The following RANBP2 variants were observed in gnomAD, a reference collection of about 807,000 sequenced individuals.
The protein encoded by RANBP2 is RAN binding protein 2.
RANBP2 carries 57 observed loss-of-function variants against 303.6 expected under a neutral mutation model. The ratio of observed to expected loss-of-function variants is 0.19; its 90% CI spans 0.15 to 0.23. RANBP2 has a LOEUF of 0.23. RANBP2 is among the 10% of genes least tolerant of loss of function. RANBP2 has a pLI of 1.00. For missense variants in RANBP2, 3,138 were observed against 3,780.8 expected (o/e 0.83, Z 4.46); for synonymous variants, 1,167 against 1,301.5 (o/e 0.90, Z 2.23).
chr2:109,631,023 G>A, the RANBP2 span, among the ~76,000 whole-genome samples: 2 of 152,274 alleles, frequency 1.3e-5, no homozygotes, highest in African/African-American at 2.4e-5. Flanking sequence ...CCGAGGTCAC[G>A]GCACTGCACT....
At chr2:108,741,714 G>A (rs1166501027) in intron 7 of RANBP2, among the ~76,000 whole-genome samples, 2 of 144,092 alleles carry the variant, frequency 1.4e-5, no homozygotes, top group South Asian at 2.2e-4. Context: ...GGGTTTCACT[G>A]TGTTAGCCAG....
At chr2:108,725,840 G>T (rs867830764) in intron 1 of RANBP2, among the ~76,000 whole-genome samples, 6 of 151,992 alleles carry the variant, frequency 3.9e-5, no homozygotes, top group Admixed American at 1.3e-4. Flanking sequence ...TGAGACGGAG[G>T]CTTGCTCTGT....
chr2:109,610,095 G>GTTTTTTTTTTTTTTTTTTTTT, the RANBP2 span, among the ~76,000 whole-genome samples: 2 of 143,434 alleles, frequency 1.4e-5, no homozygotes, highest in African/African-American at 5.2e-5. Flanking sequence ...TCCCTGAGGT[G>GTTTTTTTTTTTTTTTTTTTTT]TTTTTTTTTT....
At chr2:109,164,889 A>G in the RANBP2 span, among the ~76,000 whole-genome samples, 14 of 152,210 alleles carry the variant, frequency 9.2e-5, no homozygotes, top group East Asian at 2.3e-3. Context: ...TTTCAAAGGC[A>G]CTTATGGATG....
At chr2:109,476,426 A>AG in the RANBP2 span, among the ~76,000 whole-genome samples, 1 of 152,208 alleles carries the variant, frequency 6.6e-6, no homozygotes, top group African/African-American at 2.4e-5. Flanking sequence ...GGGTAGCCCC[A>AG]GGGGAGGTAG....
chr2:109,547,368 T>TG, the RANBP2 span, among the ~76,000 whole-genome samples: 1 of 138,120 alleles, frequency 7.2e-6, no homozygotes, highest in East Asian at 2.1e-4. Flanking sequence ...CTAATAAACT[T>TG]GTTTTTTTTT....
chr2:108,807,241 G>C, the RANBP2 span, among the ~76,000 whole-genome samples: 1 of 152,126 alleles, frequency 6.6e-6, no homozygotes, highest in African/African-American at 2.4e-5. Flanking sequence ...AAAATAGATT[G>C]ACAACTTCAT....
chr2:109,105,866 T>G, the RANBP2 span, among the ~76,000 whole-genome samples: 1 of 137,456 alleles, frequency 7.3e-6, no homozygotes, highest in South Asian at 2.3e-4. Flanking sequence ...TTTTTTTTTT[T>G]TTTTTGAAAT....
the RANBP2 span, among the ~76,000 whole-genome samples, chr2:109,405,540 G>A: frequency 2.2e-4 from 33 of 152,098 alleles, no homozygotes; most frequent in Non-Finnish European, 3.5e-4. Context: ...CCCCGAAACT[G>A]CCGTAGCTAA....
the RANBP2 span, chr2:109,490,645 C>T: frequency 1.3e-6 from 2 of 1,497,418 alleles, no homozygotes; most frequent in Non-Finnish European, 1.8e-6. Context: ...CTAGCCGGAG[C>T]ATCCACCAAG....
the RANBP2 span, chr2:109,585,154 A>C: frequency 5.0e-6 from 8 of 1,592,998 alleles, no homozygotes; most frequent in African/African-American, 1.1e-4. Flanking sequence ...TGGTCACCAA[A>C]TCCCACTGTA....
chr2:108,873,071 ATTTGT>A, the RANBP2 span, among the ~76,000 whole-genome samples: 1 of 151,794 alleles, frequency 6.6e-6, no homozygotes. Context: ...AGGCTCTTTG[ATTTGT>A]TTTTTGTTTT....
At chr2:109,611,589 C>A in the RANBP2 span, among the ~76,000 whole-genome samples, 9 of 151,430 alleles carry the variant, frequency 5.9e-5, no homozygotes, top group Admixed American at 5.9e-4. Flanking sequence ...CACACCCCTG[C>A]CTCTACAAAA....
the RANBP2 span, among the ~76,000 whole-genome samples, chr2:109,333,205 G>A: frequency 6.6e-6 from 1 of 152,192 alleles, no homozygotes; most frequent in Non-Finnish European, 1.5e-5. Flanking sequence ...GGACTTACCT[G>A]TATCTATCAG....
chr2:109,386,541 C>A, the RANBP2 span, among the ~76,000 whole-genome samples: 1 of 152,354 alleles, frequency 6.6e-6, no homozygotes, highest in African/African-American at 2.4e-5. Flanking sequence ...GGATCTTGGG[C>A]CTTGGTTTGC....
the RANBP2 span, chr2:108,906,216 A>G: frequency 7.3e-7 from 1 of 1,366,020 alleles, no homozygotes; most frequent in Non-Finnish European, 1.0e-6. Context: ...GGCTTCCCTC[A>G]GTTCCCCTCA....
the RANBP2 span, among the ~76,000 whole-genome samples, chr2:109,189,408 G>A: frequency 9.5e-5 from 14 of 148,034 alleles, no homozygotes; most frequent in Admixed American, 2.7e-4. Flanking sequence ...AGTCTCTGTC[G>A]CCCAGGCTGG....
chr2:109,317,589 ACAGT>A, the RANBP2 span, among the ~76,000 whole-genome samples: 3 of 152,154 alleles, frequency 2.0e-5, no homozygotes, highest in African/African-American at 4.8e-5. Flanking sequence ...GAGGTACAGA[ACAGT>A]CAAAGTCCAC....
chr2:109,113,667 C>T, the RANBP2 span, among the ~76,000 whole-genome samples: 1 of 152,336 alleles, frequency 6.6e-6, no homozygotes, highest in East Asian at 1.9e-4. Flanking sequence ...ACTTCCAACA[C>T]TATGTTGAAT....
Sources: allele counts gnomAD v4.1 joint callset (sites outside exome capture counted in the v4.1 genomes callset), GRCh38; gene constraint gnomAD v4.1.1; transcripts MANE v1.5; gene names NCBI Gene and HGNC (gene_info 2026-07-23, HGNC 2026-07-21).